Variants in ZNF469 observed in about 807,000 individuals in gnomAD.
ZNF469 encodes zinc finger protein 469.
In ZNF469, 1 loss-of-function variant was observed where a neutral mutation model predicts 1.0. The ratio of observed to expected loss-of-function variants is 1.00; its 90% CI spans 0.35 to 4.73. The LOEUF (loss-of-function observed/expected upper bound fraction) is 4.73. Among genes scored for constraint, ZNF469 ranks in the 30% most tolerant of loss-of-function variants. The pLI, the probability that ZNF469 is intolerant of heterozygous loss-of-function variation, is 0.16. For synonymous variants in ZNF469, 2,703 were observed against 2,363.4 expected (o/e 1.14, Z -4.17); for missense variants, 6,100 against 5,356.3 (o/e 1.14, Z -4.33).
Position 88,436,778 on chromosome 16 carries a change from G to A in ZNF469, c.9308G>A (p.Gly3103Asp), listed in dbSNP as rs757127806. The A allele has an allele frequency of 1.2e-5, 18 of 1,545,530 alleles. No homozygotes were observed. The South Asian group carries it at 2.0e-4, about 17-fold the overall frequency. ...GCTGCAGGGGCAGGGAGGGCCCAAG[G>A]CAGAGGCCGGCCGGCCAAGGGCAGG... ...EEAAGAGRAQ[G>D]RGRPAKGRRA... is the part of the protein sequence containing the mutation. The change falls in exon 3 of 3, where the codon GGC (glycine) becomes GAC (aspartate). Residue 3103 changes from glycine (G) to aspartate (D), a missense_variant. Coordinates refer to ENST00000565624, the MANE Select transcript of ZNF469 (RefSeq NM_001367624.2).
chr16:88,296,836 ACT>A, the ZNF469 span, among the ~76,000 whole-genome samples: 1,000 of 152,040 alleles, frequency 6.6e-3, 9 homozygotes, highest in African/African-American at 0.023. Context: ...CCACGCACAC[ACT>A]CACGCACCCA....
chr16:88,154,240 T>C, the ZNF469 span, among the ~76,000 whole-genome samples: 2 of 152,228 alleles, frequency 1.3e-5, no homozygotes, highest in East Asian at 3.8e-4. Flanking sequence ...TTACTGCAAC[T>C]TCTGCCTCCC....
chr16:88,259,202 G>C, the ZNF469 span, among the ~76,000 whole-genome samples: 2 of 152,236 alleles, frequency 1.3e-5, no homozygotes, highest in African/African-American at 2.4e-5. The surrounding 1 kb of genome is among the most constrained non-coding windows in gnomAD (Gnocchi z 4.1). Flanking sequence ...CCACCCACCG[G>C]CTTGTGAGTG....
chr16:88,333,968 G>T, the ZNF469 span, among the ~76,000 whole-genome samples: 3 of 151,536 alleles, frequency 2.0e-5, no homozygotes, highest in Non-Finnish European at 4.4e-5. Context: ...ATGTGTGTCT[G>T]TGTGCATCTG....
chr16:88,415,992 C>T (rs1905292654), intron 1 of ZNF469, among the ~76,000 whole-genome samples: 1 of 152,212 alleles, frequency 6.6e-6, no homozygotes, highest in Non-Finnish European at 1.5e-5. Context: ...GCTCCCACCC[C>T]GGGCACTTCA....
the ZNF469 span, among the ~76,000 whole-genome samples, chr16:88,229,612 C>CCACGCG: frequency 1.3e-4 from 2 of 14,962 alleles, no homozygotes; most frequent in Non-Finnish European, 5.1e-4. Flanking sequence ...CGCGTGTGTG[C>CCACGCG]TGATGTCACG....
chr16:88,150,616 A>T, the ZNF469 span, among the ~76,000 whole-genome samples: 1 of 152,116 alleles, frequency 6.6e-6, no homozygotes, highest in Non-Finnish European at 1.5e-5. Flanking sequence ...CCTTCAGGCG[A>T]CTGGCTGCAG....
chr16:88,178,833 A>G, the ZNF469 span: 1 of 136,926 alleles, frequency 7.3e-6, no homozygotes, highest in Non-Finnish European at 1.7e-5. Flanking sequence ...TCTTGGCCAA[A>G]GGGAGGGTGC....
At chr16:88,193,291 G>A in the ZNF469 span, among the ~76,000 whole-genome samples, 10 of 90,250 alleles carry the variant, frequency 1.1e-4, no homozygotes, top group East Asian at 1.3e-3. Flanking sequence ...GGTGGAGATG[G>A]TGGTGGTGGG....
the ZNF469 span, among the ~76,000 whole-genome samples, chr16:88,376,363 C>T: frequency 6.6e-6 from 1 of 152,250 alleles, no homozygotes; most frequent in Non-Finnish European, 1.5e-5. Flanking sequence ...CAGCCGGGCC[C>T]GGTGTGAGGG....
chr16:88,133,605 C>A, the ZNF469 span, among the ~76,000 whole-genome samples: 4,983 of 148,598 alleles, frequency 0.034, no homozygotes, highest in African/African-American at 0.11. Flanking sequence ...TCAAATCATT[C>A]AATAATTTTA....
chr16:88,234,509 G>A, the ZNF469 span, among the ~76,000 whole-genome samples: 1 of 152,320 alleles, frequency 6.6e-6, no homozygotes, highest in South Asian at 2.1e-4. Flanking sequence ...CTCCCATCTC[G>A]CAGCGCAGAC....
At chr16:88,246,192 A>G in the ZNF469 span, among the ~76,000 whole-genome samples, 3 of 151,906 alleles carry the variant, frequency 2.0e-5, no homozygotes, top group South Asian at 2.1e-4. Context: ...CATAACCCCA[A>G]CTCTACCACC....
At chr16:88,122,848 AAT>A in the ZNF469 span, among the ~76,000 whole-genome samples, 7 of 151,542 alleles carry the variant, frequency 4.6e-5, no homozygotes, top group Non-Finnish European at 8.8e-5. Context: ...TGTGTGTATA[AAT>A]ATATATTTTA....
chr16:88,434,625 C>G lies in ZNF469; in HGVS notation c.7155C>G (p.Thr2385=), dbSNP rs919573922. The change falls in exon 3 of 3, where the codon ACC becomes ACG. Residue 2385 remains threonine (T), a synonymous_variant. Coordinates refer to ENST00000565624, the MANE Select transcript of ZNF469 (RefSeq NM_001367624.2). ...CGGAGGACCCAGGGACCCCTGAGAC[C>G]GGGCGCTCTGGTGCTACCAAGATGC... ...KEPEDPGTPE[T]GRSGATKMPR... is the part of the protein sequence containing the mutation. The G allele has an allele frequency of 1.7e-5, 27 of 1,550,256 alleles. No homozygotes were observed. The highest frequency in any genetic ancestry group is 4.8e-5 in the South Asian group (4 of 84,062).
At chr16:88,146,659 G>T in the ZNF469 span, among the ~76,000 whole-genome samples, 1 of 151,660 alleles carries the variant, frequency 6.6e-6, no homozygotes, top group Non-Finnish European at 1.5e-5. Flanking sequence ...CCCGTGTGCT[G>T]TGCATTTGTG....
At position 88,432,403 on chromosome 16, in the gene ZNF469, G is replaced by A; in HGVS notation, c.4933G>A (p.Ala1645Thr). Residue 1645 changes from alanine to threonine, a missense_variant, in exon 3 of 3, where the codon GCC (alanine) becomes ACC (threonine). Coordinates refer to ENST00000565624, the MANE Select transcript of ZNF469 (RefSeq NM_001367624.2). ...AHREGAESAV[A>T]TVEAVQGRPG... The stretch of plus-strand genomic sequence containing the variant: ...TCGGGAGGGTGCGGAATCGGCTGTG[G>A]CCACCGTGGAAGCGGTTCAGGGGAG... 1 of 1,549,774 alleles carries A rather than the reference G, an allele frequency of 6.5e-7. No homozygotes were observed. Among genetic ancestry groups the A allele is most frequent in the Non-Finnish European group, 8.7e-7 (1 of 1,146,856 alleles).
the ZNF469 span, among the ~76,000 whole-genome samples, chr16:88,272,856 G>A: frequency 2.6e-4 from 37 of 143,062 alleles, no homozygotes; most frequent in East Asian, 6.5e-4. Flanking sequence ...ACGAGTGGAC[G>A]GATGGATGAA....
chr16:88,316,083 T>C, the ZNF469 span, among the ~76,000 whole-genome samples: 1 of 152,130 alleles, frequency 6.6e-6, no homozygotes, highest in Non-Finnish European at 1.5e-5. Context: ...CAGCCCCGGG[T>C]GGGCAGAGAG....
Sources: allele counts gnomAD v4.1 joint callset (sites outside exome capture counted in the v4.1 genomes callset), GRCh38; gene constraint gnomAD v4.1.1; non-coding constraint Gnocchi (gnomAD v3.1); transcripts MANE v1.5; gene names NCBI Gene and HGNC (gene_info 2026-07-23, HGNC 2026-07-21).